RBMS3: variants seen among roughly 807,000 people sequenced by gnomAD.
RBMS3 encodes RNA binding motif single stranded interacting protein 3.
RBMS3 carries 27 observed loss-of-function variants against 66.8 expected under a neutral mutation model. That is an observed-to-expected ratio of 0.40 (90% confidence interval 0.30 to 0.56). The LOEUF (loss-of-function observed/expected upper bound fraction) is 0.56, where lower values mean the gene tolerates loss of function less well. Ranked by LOEUF, RBMS3 falls within the 20% of genes least tolerant of loss-of-function variation. The pLI is 0.40. For missense variants in RBMS3, 513 were observed against 549.5 expected (o/e 0.93, Z 0.66); for synonymous variants, 188 against 183.0 (o/e 1.03, Z -0.22).
At chr3:29,839,778 T>C (rs1168746791) in intron 6 of RBMS3, among the ~76,000 whole-genome samples, 1 of 151,882 alleles carries the variant, frequency 6.6e-6, no homozygotes, top group East Asian at 1.9e-4. Flanking sequence ...CTTTGTGTTC[T>C]GTACTTTGCA....
chr3:29,829,726 A>G (rs2058314473), intron 6 of RBMS3, among the ~76,000 whole-genome samples: 1 of 152,222 alleles, frequency 6.6e-6, no homozygotes, highest in Admixed American at 6.5e-5. Flanking sequence ...AAAAATTCCT[A>G]TCACATTCCC....
chr3:29,467,017 T>C (rs1160672579), intron 2 of RBMS3, among the ~76,000 whole-genome samples: 1 of 152,184 alleles, frequency 6.6e-6, no homozygotes, highest in Non-Finnish European at 1.5e-5. Context: ...TAAAATTGTT[T>C]GACCAAAGGC....
intron 6 of RBMS3, among the ~76,000 whole-genome samples, chr3:29,807,300 C>T (rs1292725592): frequency 6.6e-6 from 1 of 151,796 alleles, no homozygotes; most frequent in Non-Finnish European, 1.5e-5. Flanking sequence ...CTAAGCTTTC[C>T]CAAATCTTTT....
chr3:29,436,404 C>A (rs968214695), intron 2 of RBMS3, among the ~76,000 whole-genome samples: 4 of 152,086 alleles, frequency 2.6e-5, no homozygotes, highest in Non-Finnish European at 5.9e-5. Context: ...AAGGCGGAAC[C>A]TTGAAAGATA....
At chr3:29,989,266 C>T (rs924331956) in intron 13 of RBMS3, among the ~76,000 whole-genome samples, 6 of 152,210 alleles carry the variant, frequency 3.9e-5, no homozygotes, top group Admixed American at 2.6e-4. Context: ...TTTTACTGGA[C>T]AGGGCCATAA....
intron 10 of RBMS3, chr3:29,903,244 C>T (rs1263359319): frequency 6.6e-6 from 1 of 151,812 alleles, no homozygotes; most frequent in Non-Finnish European, 1.5e-5. Context: ...TATTGGATCT[C>T]CTGGAAAGCT....
intron 1 of RBMS3, among the ~76,000 whole-genome samples, chr3:29,396,401 G>A (rs1283984354): frequency 6.6e-6 from 1 of 152,040 alleles, no homozygotes; most frequent in Non-Finnish European, 1.5e-5. Flanking sequence ...ATGGCAAGAT[G>A]GAAAATGCTA....
At chr3:29,869,259 T>G (rs1361922411) in intron 7 of RBMS3, among the ~76,000 whole-genome samples, 1 of 152,330 alleles carries the variant, frequency 6.6e-6, no homozygotes, top group South Asian at 2.1e-4. Context: ...TTTCTATTTG[T>G]GTAATAGCTA....
chr3:29,947,304 C>T (rs1217932498), intron 12 of RBMS3, among the ~76,000 whole-genome samples: 1 of 151,490 alleles, frequency 6.6e-6, no homozygotes, highest in Non-Finnish European at 1.5e-5. Flanking sequence ...GTGGGGGTAT[C>T]TTGCATATTT....
At chr3:29,702,618 GC>G (rs1272817928) in intron 4 of RBMS3, among the ~76,000 whole-genome samples, 1 of 152,142 alleles carries the variant, frequency 6.6e-6, no homozygotes, top group Non-Finnish European at 1.5e-5. Flanking sequence ...CCTGAGGCCA[GC>G]GAGACCACAA....
chr3:29,742,235 C>T (rs897749640), intron 5 of RBMS3, among the ~76,000 whole-genome samples: 2 of 152,090 alleles, frequency 1.3e-5, no homozygotes, highest in African/African-American at 2.4e-5. Flanking sequence ...TCTTTAGGAA[C>T]TGAGGGAGGG....
intron 3 of RBMS3, among the ~76,000 whole-genome samples, chr3:29,497,252 G>T (rs572809025): frequency 6.6e-6 from 1 of 151,836 alleles, no homozygotes; most frequent in Non-Finnish European, 1.5e-5. Flanking sequence ...ATCATGATCC[G>T]CCCGCCTCAA....
intron 4 of RBMS3, among the ~76,000 whole-genome samples, chr3:29,673,468 T>A (rs567427481): frequency 6.6e-6 from 1 of 151,440 alleles, no homozygotes; most frequent in African/African-American, 2.4e-5. Flanking sequence ...AGCTGGTTTT[T>A]TTTTTTTTAA....
chr3:29,514,197 C>T (rs914191483), intron 3 of RBMS3, among the ~76,000 whole-genome samples: 10 of 152,128 alleles, frequency 6.6e-5, no homozygotes, highest in African/African-American at 2.4e-4. Context: ...CTGAATTAAA[C>T]ATTGTTAAGG....
At chr3:29,436,715 G>T (rs886992336) in intron 2 of RBMS3, among the ~76,000 whole-genome samples, 3 of 152,144 alleles carry the variant, frequency 2.0e-5, no homozygotes, top group East Asian at 1.9e-4. Flanking sequence ...TTAGGGAAAG[G>T]TTCTTTCTTA....
At chr3:29,752,677 A>C (rs546976698) in intron 5 of RBMS3, among the ~76,000 whole-genome samples, 1 of 152,298 alleles carries the variant, frequency 6.6e-6, no homozygotes, top group Non-Finnish European at 1.5e-5. Flanking sequence ...TAGCTTTATA[A>C]GGTTCTCCAT....
At chr3:29,337,200 G>A (rs929637962) in intron 1 of RBMS3, among the ~76,000 whole-genome samples, 3 of 152,042 alleles carry the variant, frequency 2.0e-5, no homozygotes, top group African/African-American at 7.2e-5. Flanking sequence ...TATCACTGGA[G>A]TAATTTCTAG....
In RBMS3 at chr3:29,501,393, A is replaced by T. The variant is rs534635454; in HGVS notation, c.307+12894A>T. Among the ~76,000 whole-genome samples, 131 of 152,282 alleles carry T rather than the reference A, an allele frequency of 8.6e-4. 1 individual carries two copies. The highest frequency in any genetic ancestry group is 3.4e-3 in the Middle Eastern group (1 of 294). On this transcript the variant is annotated intron_variant, in intron 3 of 14. Transcript: ENST00000383767. Reference sequence around the variant, plus strand: ...CTCTGTTTACTGTTGCAGACATTTTAAAAAATTCATATAAAATATATCTTT... The same window carrying T: ...CTCTGTTTACTGTTGCAGACATTTTTAAAAATTCATATAAAATATATCTTT...
chr3:29,718,321 G>A (rs1160700), intron 4 of RBMS3, among the ~76,000 whole-genome samples: 80,765 of 151,730 alleles, frequency 0.53, 22,290 homozygotes, highest in African/African-American at 0.69. Context: ...CTTTTAAAAT[G>A]ATACTGCTTT....
Sources: gnomAD v4.1 joint callset for allele counts (sites outside exome capture counted in the v4.1 genomes callset) on GRCh38, gnomAD v4.1.1 for gene constraint, MANE v1.5 for transcripts, NCBI Gene and HGNC (gene_info 2026-07-23, HGNC 2026-07-21) for gene names.